Variants in ASPG observed in about 807,000 individuals in gnomAD.
ASPG encodes the protein 60 kDa lysophospholipase.
Under a neutral mutation model 63.2 loss-of-function variants are expected in ASPG, and 53 were observed. The observed-to-expected ratio is 0.84, with a 90% CI of 0.67 to 1.05. The LOEUF (loss-of-function observed/expected upper bound fraction) is 1.05, where lower values mean the gene tolerates loss of function less well. ASPG is among the 50% of genes least tolerant of loss of function. The pLI is 0.00. For synonymous variants in ASPG, 370 were observed against 355.0 expected (o/e 1.04, Z -0.48); for missense variants, 741 against 794.4 (o/e 0.93, Z 0.81).
At position 104,111,210 on chromosome 14, in the gene ASPG, CCT is replaced by C. The variant is rs1019730279; in HGVS notation, c.1521-291_1521-290del. 19 of 979,004 alleles carry C rather than the reference CCT, an allele frequency of 1.9e-5. No individual in the cohort carries two copies. The African/African-American group carries it at 3.3e-4, about 17-fold the overall frequency. The allele number at this position is 979,004 out of a possible 1,614,324, so 60.6% of individuals were successfully genotyped here. A position where few individuals can be genotyped will look rare whatever the true frequency, so the allele number is the denominator to read the frequency against. On this transcript the variant is annotated intron_variant, in intron 13 of 15. Transcript: ENST00000551177. ...ATGTGTAGGTGTGTGCTTGTGTGCT[CCT>C]GTGTGTGTACATGTATGCTGCTGTG...
chr14:104,104,514 G>A, intron 8 of ASPG, 28 bp downstream of exon 8: 2 of 1,606,684 alleles, frequency 1.2e-6, no homozygotes, highest in Non-Finnish European at 8.5e-7. Context: ...GGGCCTAGCG[G>A]GGAAGGGGAC....
intron 4 of ASPG, 122 bp from the exon 5 acceptor site, chr14:104,097,432 C>T (rs917716273): frequency 3.7e-5 from 36 of 976,780 alleles, no homozygotes; most frequent in Non-Finnish European, 5.3e-5. Flanking sequence ...GCCTGTCCTT[C>T]TCTTTCCCAC....
chr14:104,099,067 G>T (rs2036757122), intron 6 of ASPG, 88 bp downstream of exon 6: 12 of 1,499,848 alleles, frequency 8.0e-6, no homozygotes, highest in Admixed American at 2.0e-5. Flanking sequence ...CTGGGACTCG[G>T]CAGAGTTTGA....
intron 4 of ASPG, among the ~76,000 whole-genome samples, chr14:104,097,041 C>T (rs1887777411): frequency 6.6e-6 from 1 of 152,220 alleles, no homozygotes; most frequent in Non-Finnish European, 1.5e-5. Context: ...CTTTCTGTCA[C>T]AGCCCACCCA....
intron 4 of ASPG, among the ~76,000 whole-genome samples, chr14:104,095,983 G>A (rs998040247): frequency 5.3e-5 from 8 of 152,162 alleles, no homozygotes; most frequent in African/African-American, 1.9e-4. Context: ...TGCGGCTGCT[G>A]CCCACCTCTC....
chr14:104,106,592 G>A (rs989885302), intron 10 of ASPG, among the ~76,000 whole-genome samples: 3 of 152,132 alleles, frequency 2.0e-5, no homozygotes, highest in African/African-American at 7.2e-5. Context: ...CAGGGGAAGG[G>A]GTCCTAGGTG....
chr14:104,104,673 G>C lies in ASPG; in HGVS notation c.988G>C (p.Ala330Pro). ...AGGCTTCGACATGACATCGGAGGCC[G>C]CCCTGGCCAAGCTATCGTATGTGCT... ...ISGFDMTSEA[A>P]LAKLSYVLGQ... Residue 330 changes from alanine (A) to proline (P), a missense_variant, in exon 9 of 16, where the codon GCC becomes CCC. Transcript: ENST00000551177. 1 of 1,610,748 alleles carries C rather than the reference G, an allele frequency of 6.2e-7. No individual in the cohort carries two copies. The highest frequency in any genetic ancestry group is 8.5e-7 in the Non-Finnish European group (1 of 1,178,722).
At position 104,085,781 on chromosome 14, in the gene ASPG, C is replaced by T. The variant is rs549973444; in HGVS notation, c.11C>T (p.Ala4Val). The part of the protein sequence containing the change: MAR[A>V]VGPERRLLAV... The stretch of plus-strand genomic sequence containing the variant: ...GGTCCCCGGTCCGGCATGGCGCGCG[C>T]GGTGGGGCCCGAGCGGAGGCTGCTG... Residue 4 changes from alanine (A) to valine (V), a missense_variant, in exon 1 of 16, where the codon GCG becomes GTG. Coordinates refer to ENST00000551177, the MANE Select transcript of ASPG (RefSeq NM_001080464.3). 30 of 1,584,292 alleles carry T rather than the reference C, an allele frequency of 1.9e-5. No homozygotes were observed. The South Asian group carries it at 3.3e-4, about 17-fold the overall frequency.
chr14:104,093,235 C>A (rs149117010), intron 2 of ASPG: 8 of 571,820 alleles, frequency 1.4e-5, no homozygotes, highest in Admixed American at 3.0e-5. Flanking sequence ...CCCAGCCCCC[C>A]TCTTCGAGCT....
intron 6 of ASPG, among the ~76,000 whole-genome samples, chr14:104,103,052 G>T (rs1473456135): frequency 6.6e-6 from 1 of 152,200 alleles, no homozygotes; most frequent in Non-Finnish European, 1.5e-5. Flanking sequence ...GGGCACAGTG[G>T]GTGCCTGGCA....
intron 1 of ASPG, among the ~76,000 whole-genome samples, chr14:104,088,201 T>G (rs1212292683): frequency 6.6e-6 from 1 of 151,476 alleles, no homozygotes; most frequent in Non-Finnish European, 1.5e-5. Context: ...GAGAGGGGAG[T>G]GGTGGCTTTG....
chr14:104,097,543 C>T lies in ASPG; in HGVS notation c.430-11C>T. The T allele has an allele frequency of 1.3e-6, 2 of 1,550,762 alleles. No individual in the cohort carries two copies. Among genetic ancestry groups the T allele is most frequent in the Non-Finnish European group, 1.7e-6 (2 of 1,147,290 alleles). On this transcript the variant is annotated splice_polypyrimidine_tract_variant and intron_variant, in intron 4 of 15. Transcript: ENST00000551177. ...TCCCAGGCCTCAGCTACTCCGTGGC[C>T]TCTCCCCCAGGTGCCCATCCATGCC...
At chr14:104,092,524 T>G (rs1255487778) in intron 1 of ASPG, 109 bp from the exon 2 acceptor site, 2 of 914,924 alleles carry the variant, frequency 2.2e-6, no homozygotes, top group Non-Finnish European at 3.4e-6. Flanking sequence ...CTGACTGTCA[T>G]AAGACCGGAG....
At chr14:104,104,582 G>A (rs2037033792) in intron 8 of ASPG, 40 bp from the exon 9 acceptor site, 1 of 1,584,488 alleles carries the variant, frequency 6.3e-7, no homozygotes, top group Non-Finnish European at 8.6e-7. Context: ...TGGGGGCCGT[G>A]GTGAGTCGCC....
Position 104,085,733 on chromosome 14 carries a change from T to C in ASPG, c.-38T>C. ...AGTCCCGCAGGCCCTGCGTCCCCGC[T>C]GCACACCCCCGTCCACTCCCGTGGT... On this transcript the variant is annotated 5_prime_UTR_variant, in exon 1 of 16. Coordinates refer to ENST00000551177, the MANE Select transcript of ASPG (RefSeq NM_001080464.3). 6.6e-7 allele frequency: 1 copy of C among 1,521,848 alleles called. No individual in the cohort carries two copies. Among genetic ancestry groups the C allele is most frequent in the Non-Finnish European group, 8.7e-7 (1 of 1,144,174 alleles). The allele number at this position is 1,521,848 out of a possible 1,614,324, so 94.3% of individuals were successfully genotyped here.
rs937657649 is a variant in ASPG, at chr14:104,111,113, G to A, written c.1521-389G>A. ...GAAACTGGCGTGGGCTGCTCGGCAGGTGGGCGTGCATATGTGTGTGCAAAG... is the reference window on the plus strand; with the variant it reads ...GAAACTGGCGTGGGCTGCTCGGCAGATGGGCGTGCATATGTGTGTGCAAAG... On this transcript the variant is annotated intron_variant, in intron 13 of 15. Coordinates refer to ENST00000551177, the MANE Select transcript of ASPG (RefSeq NM_001080464.3). 6 of 985,332 alleles carry A rather than the reference G, an allele frequency of 6.1e-6. No homozygotes were observed. The African/African-American group carries it at 8.7e-5, about 14-fold the overall frequency. The allele number at this position is 985,332 out of a possible 1,614,324, so 61.0% of individuals were successfully genotyped here.
rs1329854981 is a variant in ASPG, at chr14:104,105,326, A to T, written c.1051-2A>T. 6.2e-7 allele frequency: 1 copy of T among 1,612,610 alleles called. No individual in the cohort carries two copies. Among genetic ancestry groups the T allele is most frequent in the South Asian group, 1.1e-5 (1 of 91,076 alleles). ...CCACTTCACCTCTGTTCTCTCCACC[A>T]GCTGCTGACCAAGGACCTTCGGGGG... On this transcript the variant is annotated splice_acceptor_variant, in intron 9 of 15. Coordinates refer to ENST00000551177, the MANE Select transcript of ASPG (RefSeq NM_001080464.3). LOFTEE classifies it high-confidence loss of function.
intron 1 of ASPG, among the ~76,000 whole-genome samples, chr14:104,086,881 C>G (rs542459306): frequency 6.6e-6 from 1 of 152,264 alleles, no homozygotes; most frequent in East Asian, 1.9e-4. Flanking sequence ...CTCTCCGGCT[C>G]TGCCAGAGCC....
rs894399095 is a variant in ASPG, at chr14:104,110,375, G to A, written c.1520+1060G>A. 7.1e-6 allele frequency: 7 copies of A among 985,350 alleles called. No homozygotes were observed. Among genetic ancestry groups the A allele is most frequent in the Admixed American group, 1.2e-4 (2 of 16,276 alleles). 61.0% of individuals were successfully genotyped at this position (985,350 alleles called of 1,614,324 possible). ...TGGTCTTGCTTTTGAAGGGACTTCCGGGGTGACTTGGTCAAGATTTGCACT... is the reference window on the plus strand; with the variant it reads ...TGGTCTTGCTTTTGAAGGGACTTCCAGGGTGACTTGGTCAAGATTTGCACT... On this transcript the variant is annotated intron_variant, in intron 13 of 15. Transcript: ENST00000551177. This position sits in a 1 kb window ranked among gnomAD's most constrained non-coding sequence, Gnocchi z 4.7.
Sources: gnomAD v4.1 joint callset for allele counts (sites outside exome capture counted in the v4.1 genomes callset) on GRCh38, gnomAD v4.1.1 for gene constraint, Gnocchi (gnomAD v3.1) non-coding constraint, MANE v1.5 for transcripts, NCBI Gene and HGNC (gene_info 2026-07-23, HGNC 2026-07-21) for gene names.